RTF2: variants seen among roughly 807,000 people sequenced by gnomAD.
RTF2 encodes UPF0549 protein C20orf43.
RTF2 carries 18 observed loss-of-function variants against 38.0 expected under a neutral mutation model. The observed-to-expected ratio is 0.47, with a 90% CI of 0.33 to 0.70. RTF2 has a LOEUF of 0.70. RTF2 is among the 30% of genes least tolerant of loss of function. The pLI, the probability that RTF2 is intolerant of heterozygous loss-of-function variation, is 0.02. For synonymous variants in RTF2, 126 were observed against 137.1 expected, an observed-to-expected ratio of 0.92 and a Z score of 0.57; for missense variants, 311 against 379.6, an observed-to-expected ratio of 0.82 and a Z score of 1.50.
At chr20:56,512,785 C>T (rs1166210619) in intron 5 of RTF2, among the ~76,000 whole-genome samples, 1 of 152,220 alleles carries the variant, frequency 6.6e-6, no homozygotes, top group African/African-American at 2.4e-5. Flanking sequence ...CCACGTGGGG[C>T]TTCCTTACGC....
chr20:56,472,363 T>C (rs1379994743), intron 1 of RTF2: 2 of 1,548,032 alleles, frequency 1.3e-6, no homozygotes, highest in East Asian at 2.4e-5. Flanking sequence ...TGGTGCAGTC[T>C]ACACAGTGAA....
intron 8 of RTF2, among the ~76,000 whole-genome samples, chr20:56,517,550 A>G (rs1423092673): frequency 1.3e-5 from 2 of 152,114 alleles, no homozygotes; most frequent in African/African-American, 4.8e-5. Flanking sequence ...GAATGCCCCC[A>G]GTTTCTTTAC....
chr20:56,510,889 G>T (rs912242154), intron 5 of RTF2, among the ~76,000 whole-genome samples: 11 of 152,160 alleles, frequency 7.2e-5, no homozygotes, highest in African/African-American at 2.7e-4. Context: ...GGAGGTGGAG[G>T]CTGCACTGAG....
chr20:56,497,863 A>G (rs1253230913), intron 5 of RTF2, among the ~76,000 whole-genome samples: 2 of 152,210 alleles, frequency 1.3e-5, no homozygotes, highest in African/African-American at 4.8e-5. Context: ...GCAATTGCCG[A>G]TACGCCTTCT....
intron 4 of RTF2, among the ~76,000 whole-genome samples, chr20:56,481,320 C>T (rs1276614937): frequency 6.6e-6 from 1 of 152,232 alleles, no homozygotes; most frequent in Non-Finnish European, 1.5e-5. Flanking sequence ...GACACCCTCT[C>T]AGTGTGCCAG....
chr20:56,496,839 A>G (rs1295190314), intron 5 of RTF2: 11 of 1,551,832 alleles, frequency 7.1e-6, no homozygotes, highest in Non-Finnish European at 9.6e-6. Flanking sequence ...AGGTGCATAG[A>G]TACTTCCTTT....
chr20:56,496,003 A>C (rs1345237306), intron 5 of RTF2, among the ~76,000 whole-genome samples: 2 of 152,226 alleles, frequency 1.3e-5, no homozygotes, highest in African/African-American at 4.8e-5. Context: ...TAGTATTTAT[A>C]AAATAAATGA....
At chr20:56,472,460 G>T in intron 1 of RTF2, 1 of 1,134,610 alleles carries the variant, frequency 8.8e-7, no homozygotes. Context: ...TCTTATGTCT[G>T]GATTTTCATA....
rs1489078370 is a variant in RTF2 at position 56,478,771 on chromosome 20, C to CT, written c.398+1650dup. On this transcript the variant is annotated intron_variant, in intron 4 of 8. Coordinates refer to ENST00000357348, the MANE Select transcript of RTF2 (RefSeq NM_016407.5). Reference sequence around the variant, plus strand: ...ATAGAATTTGCTGCATTGATTGACTCTTTCATGAAAGATTTCTCTGTATGT... The same window carrying CT: ...ATAGAATTTGCTGCATTGATTGACTCTTTTCATGAAAGATTTCTCTGTATGT... Among the ~76,000 whole-genome samples, 3 of 152,264 alleles carry CT rather than the reference C, an allele frequency of 2.0e-5. No homozygotes were observed. In the South Asian group the frequency reaches 6.2e-4, roughly 32 times the overall value.
intron 5 of RTF2, among the ~76,000 whole-genome samples, chr20:56,495,652 C>A (rs1187070361): frequency 6.6e-6 from 1 of 152,110 alleles, no homozygotes; most frequent in Non-Finnish European, 1.5e-5. Context: ...GGATTGTTTT[C>A]TCTGTAACAG....
intron 5 of RTF2, among the ~76,000 whole-genome samples, chr20:56,508,442 T>A (rs182347430): frequency 6.6e-6 from 1 of 152,372 alleles, no homozygotes; most frequent in East Asian, 1.9e-4. Context: ...TGTTATTATT[T>A]GGTTGCCTGC....
chr20:56,507,380 CA>C (rs1984348926), intron 5 of RTF2, among the ~76,000 whole-genome samples: 1 of 152,144 alleles, frequency 6.6e-6, no homozygotes, highest in Non-Finnish European at 1.5e-5. Flanking sequence ...GCCCAGTCTC[CA>C]GGGGCAATTC....
At chr20:56,507,314 G>A (rs953153880) in intron 5 of RTF2, among the ~76,000 whole-genome samples, 3 of 152,038 alleles carry the variant, frequency 2.0e-5, no homozygotes, top group African/African-American at 4.8e-5. Flanking sequence ...CAGGTCTCTC[G>A]GGTCAAGCAC....
chr20:56,498,379 G>A (rs1983697883), intron 5 of RTF2, among the ~76,000 whole-genome samples: 1 of 152,080 alleles, frequency 6.6e-6, no homozygotes, highest in Admixed American at 6.6e-5. Flanking sequence ...AGACTAGCCT[G>A]GGCAACATAG....
intron 6 of RTF2, chr20:56,514,265 C>T (rs904976197): frequency 2.0e-5 from 3 of 151,842 alleles, no homozygotes; most frequent in Non-Finnish European, 4.4e-5. Flanking sequence ...CTGGTGATTC[C>T]CCATCCAGCA....
At chr20:56,513,203 G>A in intron 5 of RTF2, 112 bp from the exon 6 acceptor site, 1 of 1,404,440 alleles carries the variant, frequency 7.1e-7, no homozygotes, top group Non-Finnish European at 9.6e-7. Flanking sequence ...CCGGTAATAG[G>A]AATTTACTCG....
At chr20:56,475,837 A>G (rs992721805) in intron 3 of RTF2, among the ~76,000 whole-genome samples, 2 of 152,212 alleles carry the variant, frequency 1.3e-5, no homozygotes, top group Non-Finnish European at 2.9e-5. Context: ...TATTTAATGG[A>G]AAAAAACTCC....
chr20:56,474,598 A>G (rs367681584), intron 2 of RTF2, 80 bp from the exon 3 acceptor site: 2 of 834,852 alleles, frequency 2.4e-6, no homozygotes. Context: ...CGACTTTTGG[A>G]TTGTGTTCAG....
At chr20:56,498,171 T>G (rs137866512) in intron 5 of RTF2, among the ~76,000 whole-genome samples, 2 of 152,258 alleles carry the variant, frequency 1.3e-5, no homozygotes, top group African/African-American at 4.8e-5. Flanking sequence ...TTCTGCCTTA[T>G]TCAAAGTTCA....
Sources: gnomAD v4.1 joint callset for allele counts (sites outside exome capture counted in the v4.1 genomes callset) on GRCh38, gnomAD v4.1.1 for gene constraint, MANE v1.5 for transcripts, NCBI Gene and HGNC (gene_info 2026-07-23, HGNC 2026-07-21) for gene names.